SPAM1: variants seen among roughly 807,000 people sequenced by gnomAD.
SPAM1 encodes the protein hyaluronidase PH-20.
Under a neutral mutation model 29.6 loss-of-function variants are expected in SPAM1, and 22 were observed. The ratio of observed to expected loss-of-function variants is 0.74; its 90% CI spans 0.53 to 1.06. The LOEUF (loss-of-function observed/expected upper bound fraction) is 1.06, where lower values mean the gene tolerates loss of function less well. Ranked by LOEUF, SPAM1 falls within the 50% of genes least tolerant of loss-of-function variation. SPAM1 has a pLI of 0.00. For synonymous variants in SPAM1, 194 were observed against 204.6 expected (o/e 0.95, Z 0.44); for missense variants, 534 against 604.0 (o/e 0.88, Z 1.21).
chr7:123,959,724 T>C lies in SPAM1; in HGVS notation c.1285T>C (p.Phe429Leu). 2 of 1,613,278 alleles carry C rather than the reference T, an allele frequency of 1.2e-6. No homozygotes were observed. The highest frequency in any genetic ancestry group is 1.7e-4 in the Middle Eastern group (1 of 6,050). Reference sequence around the variant, plus strand: ...ACCGACACTTGAAGACCTGGAGCAATTTTCTGAAAAATTTTATTGCAGCTG... The same window carrying C: ...ACCGACACTTGAAGACCTGGAGCAACTTTCTGAAAAATTTTATTGCAGCTG... ...GKPTLEDLEQ[F>L]SEKFYCSCYS... is the part of the protein sequence containing the mutation. The change falls in exon 5 of 5, where the codon TTT becomes CTT. Residue 429 changes from phenylalanine to leucine, a missense_variant. By Grantham distance (22) the Phe-to-Leu change is conservative. Transcript: ENST00000682466.
chr7:123,934,795 G>C (rs1205471109), intron 1 of SPAM1, among the ~76,000 whole-genome samples: 1 of 152,172 alleles, frequency 6.6e-6, no homozygotes, highest in Non-Finnish European at 1.5e-5. Context: ...TGATCTTATA[G>C]AGGCAGAGAG....
chr7:123,964,537 C>T (rs1563034228), downstream of SPAM1, among the ~76,000 whole-genome samples: 1 of 151,716 alleles, frequency 6.6e-6, no homozygotes, highest in African/African-American at 2.4e-5. Flanking sequence ...TTTTAAGAGA[C>T]AAGGTATCTT....
chr7:123,970,644 A>G (rs543106531), intron 6 of SPAM1, among the ~76,000 whole-genome samples: 1 of 150,388 alleles, frequency 6.6e-6, no homozygotes, highest in Non-Finnish European at 1.5e-5. Context: ...ACTAGGGTTT[A>G]AGAACTTCAA....
At chr7:123,970,611 T>A (rs144532910) in intron 6 of SPAM1, among the ~76,000 whole-genome samples, 2,419 of 102,076 alleles carry the variant, frequency 0.024, 41 homozygotes, top group East Asian at 0.11. Context: ...TAATAATAAT[T>A]ATTATTATTA....
chr7:123,936,335 G>T (rs549253286), intron 1 of SPAM1, among the ~76,000 whole-genome samples: 4 of 152,298 alleles, frequency 2.6e-5, no homozygotes, highest in Non-Finnish European at 4.4e-5. Context: ...ATTGGTTGGG[G>T]TAAGAGGGAT....
At chr7:123,971,392 T>C (rs930727084) in exon 7 of SPAM1, 1 of 152,010 alleles carries the variant, frequency 6.6e-6, no homozygotes, top group African/African-American at 2.4e-5. Flanking sequence ...TAAAAATAAA[T>C]TTTGGTTTTG....
At chr7:123,934,539 C>T (rs1044078453) in intron 1 of SPAM1, among the ~76,000 whole-genome samples, 1 of 152,110 alleles carries the variant, frequency 6.6e-6, no homozygotes, top group African/African-American at 2.4e-5. Flanking sequence ...TATCTGCACT[C>T]TCATGTTTAT....
At chr7:123,968,414 A>G (rs1792456476) in intron 5 of SPAM1, among the ~76,000 whole-genome samples, 1 of 152,024 alleles carries the variant, frequency 6.6e-6, no homozygotes, top group African/African-American at 2.4e-5. Context: ...TGCCTCTTTC[A>G]TGTTTCAGCC....
chr7:123,926,695 C>G (rs1807896934), intron 1 of SPAM1, among the ~76,000 whole-genome samples: 1 of 152,112 alleles, frequency 6.6e-6, no homozygotes, highest in Non-Finnish European at 1.5e-5. Flanking sequence ...CGGGACAACT[C>G]AGAGTGGGGG....
At chr7:123,945,587 C>A (rs1025982483) in intron 1 of SPAM1, among the ~76,000 whole-genome samples, 4 of 152,214 alleles carry the variant, frequency 2.6e-5, no homozygotes, top group African/African-American at 7.2e-5. Context: ...GCCCATCACT[C>A]TTGAAACTCT....
At chr7:123,946,149 G>A (rs1808569561) in intron 1 of SPAM1, among the ~76,000 whole-genome samples, 1 of 152,204 alleles carries the variant, frequency 6.6e-6, no homozygotes, top group African/African-American at 2.4e-5. Context: ...TGTTGGAAGT[G>A]AGCTCAAATT....
At chr7:123,954,886 A>T in intron 3 of SPAM1, 111 bp from the exon 4 acceptor site, 2 of 711,222 alleles carry the variant, frequency 2.8e-6, no homozygotes, top group South Asian at 3.4e-5. Flanking sequence ...TAGTGGGGAA[A>T]TATTAAAATT....
Position 123,959,498 on chromosome 7 carries a change from C to G in SPAM1, c.1059C>G (p.Leu353=), listed in dbSNP as rs563527585. ...SIMRSMKSCL[L]LDNYMETILN... is the part of the protein sequence containing the mutation. The stretch of plus-strand genomic sequence containing the variant: ...TAATTTTACAGAAATCTTGCTTGCT[C>G]CTAGACAATTACATGGAGACTATAC... Residue 353 remains leucine, a synonymous_variant, in exon 5 of 5, where the codon CTC becomes CTG. Coordinates refer to ENST00000682466, the MANE Select transcript of SPAM1 (RefSeq NM_153189.3). 6.2e-7 allele frequency: 1 copy of G among 1,601,030 alleles called. No homozygotes were observed. Among genetic ancestry groups the G allele is most frequent in the East Asian group, 2.2e-5 (1 of 44,642 alleles).
At chr7:123,967,054 C>A (rs538597356) in intron 5 of SPAM1, among the ~76,000 whole-genome samples, 1 of 152,044 alleles carries the variant, frequency 6.6e-6, no homozygotes, top group Non-Finnish European at 1.5e-5. Context: ...AAAGAGGAAG[C>A]TTAGGTTATT....
intron 1 of SPAM1, among the ~76,000 whole-genome samples, chr7:123,946,957 A>T (rs1330990422): frequency 6.6e-6 from 1 of 152,154 alleles, no homozygotes; most frequent in Non-Finnish European, 1.5e-5. Context: ...TAGGAATAAA[A>T]TGGGAAGCAG....
chr7:123,951,836 G>T (rs1383083342), intron 2 of SPAM1, among the ~76,000 whole-genome samples: 15 of 152,046 alleles, frequency 9.9e-5, no homozygotes, highest in Non-Finnish European at 2.1e-4. Context: ...TGGTCAGGCT[G>T]GTCTCAAACT....
Position 123,954,426 on chromosome 7 carries a change from A to G in SPAM1, c.856A>G (p.Ile286Val), listed in dbSNP as rs1792200414. ...TGTGCGCAATCGAGTTCGGGAAGCC[A>G]TCAGAGTTTCCAAAATACCTGATGC... is the stretch of plus-strand genomic sequence containing the variant. ...LYVRNRVREA[I>V]RVSKIPDAKS... Residue 286 changes from isoleucine to valine, a missense_variant, in exon 3 of 5, where the codon ATC (isoleucine) becomes GTC (valine). Coordinates refer to ENST00000682466, the MANE Select transcript of SPAM1 (RefSeq NM_153189.3). 6.2e-7 allele frequency: 1 copy of G among 1,613,458 alleles called. No homozygotes were observed. Among genetic ancestry groups the G allele is most frequent in the Non-Finnish European group, 8.5e-7 (1 of 1,179,632 alleles).
chr7:123,954,153 G>A lies in SPAM1; in HGVS notation c.583G>A (p.Ala195Thr). Residue 195 changes from alanine to threonine, a missense_variant, in exon 3 of 5, where the codon GCA (alanine) becomes ACA (threonine). Coordinates refer to ENST00000682466, the MANE Select transcript of SPAM1 (RefSeq NM_153189.3). ...GAAAGCAAAACAAGAATTTGAAAAG[G>A]CAGGGAAGGATTTCCTGGTAGAGAC... ...TEKAKQEFEK[A>T]GKDFLVETIK... 6.2e-7 allele frequency: 1 copy of A among 1,613,248 alleles called. No homozygotes were observed.
intron 5 of SPAM1, among the ~76,000 whole-genome samples, chr7:123,967,594 G>A (rs968710910): frequency 6.6e-6 from 1 of 152,122 alleles, no homozygotes; most frequent in Middle Eastern, 3.4e-3. Context: ...GTGCGTGTGT[G>A]TGTGCATGTG....
Sources: allele counts gnomAD v4.1 joint callset (sites outside exome capture counted in the v4.1 genomes callset), GRCh38; gene constraint gnomAD v4.1.1; transcripts MANE v1.5; gene names NCBI Gene and HGNC (gene_info 2026-07-23, HGNC 2026-07-21).